Variants in RALGAPA2 observed in about 807,000 individuals in gnomAD.
RALGAPA2 encodes the protein Ral GTPase activating protein catalytic subunit alpha 2.
RALGAPA2 carries 139 observed loss-of-function variants against 230.4 expected under a neutral mutation model. That is an observed-to-expected ratio of 0.60 (90% confidence interval 0.53 to 0.69). The LOEUF (loss-of-function observed/expected upper bound fraction) is 0.69. RALGAPA2 is among the 30% of genes least tolerant of loss of function. The pLI, the probability that RALGAPA2 is intolerant of heterozygous loss-of-function variation, is 0.00. For missense variants in RALGAPA2, 2,163 were observed against 2,276.0 expected, an observed-to-expected ratio of 0.95 and a Z score of 1.01; for synonymous variants, 847 against 837.8, an observed-to-expected ratio of 1.01 and a Z score of -0.19.
chr20:20,645,958 A>T (rs562269393), intron 4 of RALGAPA2, among the ~76,000 whole-genome samples: 36 of 151,886 alleles, frequency 2.4e-4, no homozygotes, highest in South Asian at 2.3e-3. Context: ...TTAATAATAA[A>T]AAAAAAAAAA....
chr20:20,510,042 T>G (rs2062654817), intron 33 of RALGAPA2, among the ~76,000 whole-genome samples: 1 of 152,134 alleles, frequency 6.6e-6, no homozygotes, highest in African/African-American at 2.4e-5. Flanking sequence ...AAAATAAAAT[T>G]TAAGCATGTG....
chr20:20,503,547 T>C (rs994185343), intron 34 of RALGAPA2, 41 bp from the exon 35 acceptor site: 6 of 1,446,652 alleles, frequency 4.1e-6, no homozygotes, highest in Non-Finnish European at 5.5e-6. Context: ...GGATCAAAAA[T>C]GAGCTGCTCT....
At chr20:20,520,236 T>C (rs2062996532) in intron 31 of RALGAPA2, among the ~76,000 whole-genome samples, 1 of 151,976 alleles carries the variant, frequency 6.6e-6, no homozygotes, top group Non-Finnish European at 1.5e-5. Flanking sequence ...TTTACATGCA[T>C]GCATTTGTGT....
intron 26 of RALGAPA2, among the ~76,000 whole-genome samples, chr20:20,532,334 C>T (rs2063387295): frequency 6.6e-6 from 1 of 152,088 alleles, no homozygotes; most frequent in Non-Finnish European, 1.5e-5. Flanking sequence ...CACAGAAAGC[C>T]GACCATGCCA....
Position 20,391,787 on chromosome 20 carries a change from C to T in RALGAPA2, c.*1502G>A. The T allele has an allele frequency of 6.5e-6, 1 of 152,940 alleles. No homozygotes were observed. The highest frequency in any genetic ancestry group is 1.5e-5 in the Non-Finnish European group (1 of 68,478). The allele number at this position is 152,940 out of a possible 1,614,324, so 9.5% of individuals were successfully genotyped here. A position where few individuals can be genotyped will look rare whatever the true frequency, so the allele number is the denominator to read the frequency against. ...GTGCAAGGGCAGAGGGCAGAGGGCA[C>T]AGGAAGGTGGGGAGGCCTCCCGCAC... On this transcript the variant is annotated 3_prime_UTR_variant, in exon 40 of 40. Transcript: ENST00000202677.
At chr20:20,540,463 A>G (rs2063613972) in intron 24 of RALGAPA2, among the ~76,000 whole-genome samples, 1 of 152,248 alleles carries the variant, frequency 6.6e-6, no homozygotes, top group African/African-American at 2.4e-5. Context: ...ATACCGTCAG[A>G]AAGCTTAAAA....
chr20:20,531,852 A>G (rs1028713303), intron 26 of RALGAPA2, 57 bp from the exon 27 acceptor site: 1 of 1,290,834 alleles, frequency 7.7e-7, no homozygotes, highest in Non-Finnish European at 1.1e-6. Context: ...ATACTTTCTC[A>G]GTATTTTCAA....
chr20:20,689,493 T>G (rs2068825181), intron 1 of RALGAPA2, among the ~76,000 whole-genome samples: 1 of 152,006 alleles, frequency 6.6e-6, no homozygotes, highest in South Asian at 2.1e-4. Context: ...AATACAAAAA[T>G]CAGCTGGGCA....
chr20:20,498,449 G>C (rs2062277362), intron 35 of RALGAPA2, among the ~76,000 whole-genome samples: 1 of 152,188 alleles, frequency 6.6e-6, no homozygotes, highest in South Asian at 2.1e-4. Flanking sequence ...CTGCTGCCAG[G>C]CTGCACGCCA....
intron 39 of RALGAPA2, among the ~76,000 whole-genome samples, chr20:20,393,497 T>A (rs2059640998): frequency 6.6e-6 from 1 of 152,222 alleles, no homozygotes; most frequent in South Asian, 2.1e-4. Flanking sequence ...CTTGTGAAAT[T>A]AATTCAGACT....
At chr20:20,458,500 TATATATA>T (rs1465028711) in intron 37 of RALGAPA2, among the ~76,000 whole-genome samples, 1 of 137,814 alleles carries the variant, frequency 7.3e-6, no homozygotes, top group African/African-American at 2.7e-5. Flanking sequence ...TTATATATAT[TATATATA>T]ATATATATGT....
intron 37 of RALGAPA2, among the ~76,000 whole-genome samples, chr20:20,436,719 G>C (rs2060623171): frequency 6.6e-6 from 1 of 152,190 alleles, no homozygotes; most frequent in Admixed American, 6.5e-5. Context: ...AATCTAAATA[G>C]AAAAAAGAAT....
intron 36 of RALGAPA2, among the ~76,000 whole-genome samples, chr20:20,482,558 G>A (rs571465584): frequency 2.0e-5 from 3 of 152,274 alleles, no homozygotes; most frequent in South Asian, 4.1e-4. Flanking sequence ...GTTCCCCAAA[G>A]TGCACTTTAA....
At chr20:20,459,099 G>T (rs2123260624) in intron 37 of RALGAPA2, among the ~76,000 whole-genome samples, 1 of 151,880 alleles carries the variant, frequency 6.6e-6, no homozygotes, top group African/African-American at 2.4e-5. Context: ...ATGAAACCAA[G>T]TTATCAAAAT....
At chr20:20,539,494 ATAAT>A (rs1170535795) in intron 24 of RALGAPA2, among the ~76,000 whole-genome samples, 1 of 152,206 alleles carries the variant, frequency 6.6e-6, no homozygotes, top group African/African-American at 2.4e-5. Flanking sequence ...TTACTAAAGC[ATAAT>A]TAATAAAAAT....
At position 20,648,427 on chromosome 20, in the gene RALGAPA2, A is replaced by T. The variant is rs562845827; in HGVS notation, c.329-4878T>A. On this transcript the variant is annotated intron_variant, in intron 4 of 39. Transcript: ENST00000202677. The stretch of plus-strand genomic sequence containing the variant: ...GGTAGTACCTATGTTCATTATCTTG[A>T]TGGTAGTAATGATTTCATATATGTA... 2.0e-5 allele frequency among the ~76,000 whole-genome samples: 3 copies of T among 152,292 alleles called. No individual in the cohort carries two copies. In the East Asian group the frequency reaches 5.8e-4, roughly 29 times the overall value.
rs1053678266 is a variant in RALGAPA2 at position 20,643,376 on chromosome 20, C to T, written c.372+130G>A. On this transcript the variant is annotated intron_variant, in intron 5 of 39. Coordinates refer to ENST00000202677, the MANE Select transcript of RALGAPA2 (RefSeq NM_020343.4). ...ACAAAACCCTAACAATATAATTTCT[C>T]AATTAAAAATTAAAACTAAGTCAAG... 3 of 847,526 alleles carry T rather than the reference C, an allele frequency of 3.5e-6. No individual in the cohort carries two copies. In the Admixed American group the frequency reaches 1.0e-4, roughly 29 times the overall value. The allele number at this position is 847,526 out of a possible 1,614,324, so 52.5% of individuals were successfully genotyped here.
intron 38 of RALGAPA2, among the ~76,000 whole-genome samples, chr20:20,401,280 A>G (rs147130001): frequency 0.012 from 1,835 of 152,286 alleles, 23 homozygotes; most frequent in Non-Finnish European, 0.018. Flanking sequence ...ACACAACAGA[A>G]GTGGCTCCAA....
chr20:20,620,557 T>G lies in RALGAPA2; in HGVS notation c.1307A>C (p.Gln436Pro). Residue 436 changes from glutamine to proline, a missense_variant, in exon 11 of 40, where the codon CAG becomes CCG. Gln to Pro is a moderately conservative substitution (Grantham distance 76). Coordinates refer to ENST00000202677, the MANE Select transcript of RALGAPA2 (RefSeq NM_020343.4). ...VVQVYRKWIL[Q>P]DKPVFMEEPD... is the part of the protein sequence containing the mutation. ...CTCCTCCATGAACACAGGTTTGTCC[T>G]GGAGAATCCACTTTCTGTACACTTG... The G allele has an allele frequency of 6.2e-7, 1 of 1,613,956 alleles. No homozygotes were observed.
Sources: gnomAD v4.1 joint callset for allele counts (sites outside exome capture counted in the v4.1 genomes callset) on GRCh38, gnomAD v4.1.1 for gene constraint, MANE v1.5 for transcripts, NCBI Gene and HGNC (gene_info 2026-07-23, HGNC 2026-07-21) for gene names.